NF1: variants seen among roughly 807,000 people sequenced by gnomAD.
The protein encoded by NF1 is neurofibromin 1.
A neutral mutation model predicts 325.7 loss-of-function variants in NF1; 122 were observed. The observed-to-expected ratio is 0.37, with a 90% confidence interval of 0.32 to 0.44. The LOEUF is 0.44. Ranked by LOEUF, NF1 falls within the 20% of genes least tolerant of loss-of-function variation. The pLI, the probability that NF1 is intolerant of heterozygous loss-of-function variation, is 1.00. For missense variants in NF1, 2,140 were observed against 3,415.4 expected, an observed-to-expected ratio of 0.63 and a Z score of 9.31; for synonymous variants, 1,091 against 1,186.0, an observed-to-expected ratio of 0.92 and a Z score of 1.65.
intron 29 of NF1, among the ~76,000 whole-genome samples, chr17:31,242,910 G>T (rs1251266461): frequency 6.6e-6 from 1 of 152,152 alleles, no homozygotes; most frequent in Admixed American, 6.5e-5. Flanking sequence ...TGTAGTCTGG[G>T]CTTGTTTGTA....
intron 1 of NF1, among the ~76,000 whole-genome samples, chr17:31,143,843 A>G (rs1188292556): frequency 1.3e-5 from 2 of 150,522 alleles, no homozygotes; most frequent in Non-Finnish European, 3.0e-5. Flanking sequence ...GTTTTTTGAG[A>G]CAGAGACTCG....
At chr17:31,255,326 T>G (rs1456376565) in intron 31 of NF1, among the ~76,000 whole-genome samples, 1 of 152,110 alleles carries the variant, frequency 6.6e-6, no homozygotes, top group Non-Finnish European at 1.5e-5. Context: ...GAATGTCTTT[T>G]GGATCCAAAT....
At chr17:31,210,632 C>T (rs1485313147) in intron 12 of NF1, among the ~76,000 whole-genome samples, 1 of 152,012 alleles carries the variant, frequency 6.6e-6, no homozygotes, top group African/African-American at 2.4e-5. Context: ...TTCTGATTTG[C>T]TTCTCTTCTG....
At position 31,164,423 on chromosome 17, in the gene NF1, T is replaced by C. The variant is rs2065812980; in HGVS notation, c.479+1047T>C. Among the ~76,000 whole-genome samples the C allele has an allele frequency of 2.0e-5, 3 of 152,330 alleles. No individual in the cohort carries two copies. The South Asian group carries it at 6.2e-4, about 32-fold the overall frequency. ...TAGCTGCAAATTGTTGTTATGCACATGATTTGCCTTTCTAAGGCAAGTAAA... is the reference window on the plus strand; with the variant it reads ...TAGCTGCAAATTGTTGTTATGCACACGATTTGCCTTTCTAAGGCAAGTAAA... On this transcript the variant is annotated intron_variant, in intron 4 of 57. Coordinates refer to ENST00000358273, the MANE Select transcript of NF1 (RefSeq NM_001042492.3).
At chr17:31,152,103 A>G (rs1567812625) in intron 1 of NF1, among the ~76,000 whole-genome samples, 1 of 151,658 alleles carries the variant, frequency 6.6e-6, no homozygotes, top group Admixed American at 6.6e-5. Flanking sequence ...TTCTTTAAAT[A>G]TCTTAAATTT....
rs1597722945 is a variant in NF1 at position 31,235,947 on chromosome 17, C to T, written c.3900C>T (p.Leu1300=). 1 of 1,613,910 alleles carries T rather than the reference C, an allele frequency of 6.2e-7. No homozygotes were observed. Among genetic ancestry groups the T allele is most frequent in the Non-Finnish European group, 8.5e-7 (1 of 1,179,996 alleles). ...KVYGATYLQK[L]LDPLLRIVIT... ...ATGGTGCTACCTATCTACAAAAACT[C>T]CTGGATCCTTTATTACGAATTGTGA... The change falls in exon 29 of 58, where the codon CTC becomes CTT. Residue 1300 remains leucine (L), a synonymous_variant. Transcript: ENST00000358273.
intron 46 of NF1, 79 bp downstream of exon 46, chr17:31,338,884 A>C: frequency 1.1e-6 from 1 of 922,520 alleles, no homozygotes; most frequent in East Asian, 2.4e-5. Flanking sequence ...GAGTTTAGAA[A>C]ATAAGATGAA....
intron 36 of NF1, among the ~76,000 whole-genome samples, chr17:31,290,569 A>C (rs1314095362): frequency 6.6e-6 from 1 of 152,242 alleles, no homozygotes; most frequent in Non-Finnish European, 1.5e-5. Flanking sequence ...CACAGCTAGT[A>C]AGTAAAGCTT....
chr17:31,330,438 A>G lies in NF1; in HGVS notation c.5752A>G (p.Asn1918Asp), dbSNP rs750915711. ...CTCTATTAGTAAGACACTGGCAGCC[A>G]ATGAGCCACACCTCACGTTAGAATT... ...IVSISKTLAA[N>D]EPHLTLEFLE... Residue 1918 changes from asparagine (N) to aspartate (D), a missense_variant, in exon 39 of 58, where the codon AAT (asparagine) becomes GAT (aspartate). Around this residue, in one of 10 missense-constraint regions of NF1, gnomAD observed 180 missense variants for 435.1 expected, o/e 0.41. Transcript: ENST00000358273. The G allele has an allele frequency of 6.2e-7, 1 of 1,614,018 alleles. No individual in the cohort carries two copies. The highest frequency in any genetic ancestry group is 2.2e-5 in the East Asian group (1 of 44,866).
chr17:31,111,362 C>T (rs1913399743), intron 1 of NF1, among the ~76,000 whole-genome samples: 1 of 151,950 alleles, frequency 6.6e-6, no homozygotes, highest in East Asian at 1.9e-4. Flanking sequence ...AAATATTTTC[C>T]CAAACTGATG....
chr17:31,156,910 A>G (rs2065672970), intron 2 of NF1, among the ~76,000 whole-genome samples: 2 of 152,248 alleles, frequency 1.3e-5, no homozygotes, highest in African/African-American at 4.8e-5. Flanking sequence ...GTTCATGGCA[A>G]CTGATCTGGA....
chr17:31,348,637 T>A (rs544933420), intron 48 of NF1, among the ~76,000 whole-genome samples: 3 of 150,864 alleles, frequency 2.0e-5, no homozygotes, highest in African/African-American at 7.3e-5. Flanking sequence ...TTCAACAAAC[T>A]CACTAGTTTT....
chr17:31,227,305 A>G lies in NF1; in HGVS notation c.2325+14A>G, dbSNP rs1327151855. ...GGAAACACTGAGGTATGCCCTTAGC[A>G]ACAGAAACACCCCTCCCAGGCGCCC... is the stretch of plus-strand genomic sequence containing the variant. On this transcript the variant is annotated intron_variant, in intron 19 of 57. Coordinates refer to ENST00000358273, the MANE Select transcript of NF1 (RefSeq NM_001042492.3). The G allele has an allele frequency of 6.2e-7, 1 of 1,613,338 alleles. No homozygotes were observed. Among genetic ancestry groups the G allele is most frequent in the South Asian group, 1.1e-5 (1 of 91,066 alleles).
chr17:31,356,903 G>A (rs2151581918), intron 52 of NF1, 57 bp from the exon 53 acceptor site: 1 of 1,607,290 alleles, frequency 6.2e-7, no homozygotes, highest in South Asian at 1.1e-5. Flanking sequence ...CATTGAAATA[G>A]TTAGGTGAAG....
chr17:31,254,488 A>G (rs1051318634), intron 31 of NF1, among the ~76,000 whole-genome samples: 5 of 152,094 alleles, frequency 3.3e-5, no homozygotes, highest in Non-Finnish European at 5.9e-5. Context: ...GATTATAAAG[A>G]CGTTTCTAAT....
intron 1 of NF1, among the ~76,000 whole-genome samples, chr17:31,112,062 A>G (rs1913467814): frequency 6.6e-6 from 1 of 152,136 alleles, no homozygotes. Context: ...AAGAACATAT[A>G]TTACCGGCAA....
chr17:31,236,217 C>G (rs923044361), intron 29 of NF1, among the ~76,000 whole-genome samples, 196 bp downstream of exon 29: 2 of 151,886 alleles, frequency 1.3e-5, no homozygotes, highest in Admixed American at 6.6e-5. Context: ...TTTTATTTGC[C>G]TTAGATCCAG....
intron 1 of NF1, among the ~76,000 whole-genome samples, chr17:31,131,307 G>A (rs1915372250): frequency 6.6e-6 from 1 of 152,198 alleles, no homozygotes; most frequent in Admixed American, 6.5e-5. Flanking sequence ...TCCTTGTGGT[G>A]GAGGAGTCTC....
At position 31,189,922 on chromosome 17, in the gene NF1, C is replaced by T. The variant is rs111690106; in HGVS notation, c.888+7257C>T. Among the ~76,000 whole-genome samples the T allele has an allele frequency of 9.1e-3, 1,386 of 151,546 alleles. 26 individuals carry two copies. Among genetic ancestry groups the T allele is most frequent in the African/African-American group, 0.031 (1,293 of 41,316 alleles). On this transcript the variant is annotated intron_variant, in intron 8 of 57. Coordinates refer to ENST00000358273, the MANE Select transcript of NF1 (RefSeq NM_001042492.3). Reference sequence around the variant, plus strand: ...AATTACAGGCATGCGCCACCACGCCCGGCTAATTTTGTAGTTTTAGTAGAG... The same window carrying T: ...AATTACAGGCATGCGCCACCACGCCTGGCTAATTTTGTAGTTTTAGTAGAG...
Sources: gnomAD v4.1 joint callset for allele counts (sites outside exome capture counted in the v4.1 genomes callset) on GRCh38, gnomAD v4.1.1 for gene constraint, gnomAD v4.1.1 regional missense constraint, MANE v1.5 for transcripts, NCBI Gene and HGNC (gene_info 2026-07-23, HGNC 2026-07-21) for gene names.